The following KLF17 variants were observed in gnomAD, a reference collection of about 807,000 sequenced individuals.
The protein encoded by KLF17 is Krueppel-like factor 17.
In KLF17, 31 loss-of-function variants were observed where a neutral mutation model predicts 34.2. That is an observed-to-expected ratio of 0.91 (90% CI 0.68 to 1.22). KLF17 has a LOEUF of 1.22. KLF17 is among the 50% of genes most tolerant of loss of function. The probability of loss-of-function intolerance (pLI) is 0.00; values close to 1 mark genes in which losing one functional copy is unlikely to be tolerated. For missense variants in KLF17, 478 were observed against 505.2 expected, an observed-to-expected ratio of 0.95 and a Z score of 0.52; for synonymous variants, 179 against 186.7, an observed-to-expected ratio of 0.96 and a Z score of 0.34.
At chr1:44,118,612 G>T (rs1405822731), upstream of KLF17, among the ~76,000 whole-genome samples, 1 of 152,192 alleles carries the variant, frequency 6.6e-6, no homozygotes, top group African/African-American at 2.4e-5. Flanking sequence ...GGGGTGGAAT[G>T]GGTCGGTTGG....
chr1:44,127,705 T>TTTCTTTCTTTCTTTCTTTCTTTCTTTC (rs1557732071), intron 1 of KLF17, among the ~76,000 whole-genome samples: 4 of 129,586 alleles, frequency 3.1e-5, no homozygotes, highest in African/African-American at 1.5e-4. Flanking sequence ...TCTTTCTTTC[T>TTTCTTTCTTTCTTTCTTTCTTTCTTTC]TTCTTTCTTC....
At chr1:44,088,107 T>TTA in the KLF17 span, 2 of 182,524 alleles carry the variant, frequency 1.1e-5, no homozygotes, top group African/African-American at 2.5e-5. Context: ...GCACTCTTAT[T>TTA]TTTATTTATT....
chr1:44,082,458 G>T, the KLF17 span, among the ~76,000 whole-genome samples: 2 of 151,982 alleles, frequency 1.3e-5, no homozygotes, highest in Non-Finnish European at 2.9e-5. Flanking sequence ...GCATTCGGAG[G>T]GTTTTATTGG....
rs1162259026 is a variant in KLF17, at chr1:44,118,850, G to C, written c.-58G>C. The C allele has an allele frequency of 1.4e-5, 19 of 1,373,152 alleles. No homozygotes were observed. Among genetic ancestry groups the C allele is most frequent in the Non-Finnish European group, 1.9e-5 (19 of 1,011,690 alleles). The allele number at this position is 1,373,152 out of a possible 1,614,324, so 85.1% of individuals were successfully genotyped here. On this transcript the variant is annotated 5_prime_UTR_variant, in exon 1 of 4. Transcript: ENST00000372299. ...CGATGTACCGATACCCGCCTGCGAC[G>C]CCGTGGTGGCTGGTTCCCTGTCTCT...
upstream of KLF17, chr1:44,116,999 G>T (rs2087885095): frequency 6.6e-6 from 1 of 151,946 alleles, no homozygotes; most frequent in African/African-American, 2.4e-5. Flanking sequence ...TCATGCAGTT[G>T]CTCAAGCCAA....
chr1:44,094,636 A>G, the KLF17 span, among the ~76,000 whole-genome samples: 2 of 152,212 alleles, frequency 1.3e-5, no homozygotes, highest in Middle Eastern at 3.2e-3. Flanking sequence ...CCTTTGTCAA[A>G]AATGAGTTGA....
chr1:44,066,923 CTT>C, the KLF17 span, among the ~76,000 whole-genome samples: 8 of 152,124 alleles, frequency 5.3e-5, no homozygotes, highest in African/African-American at 1.9e-4. Context: ...GAAGAGCACT[CTT>C]TTTATAAAGA....
chr1:44,117,436 A>ATTTTAT (rs2087890817), upstream of KLF17: 4 of 145,352 alleles, frequency 2.8e-5, no homozygotes, highest in Non-Finnish European at 6.0e-5. Flanking sequence ...CTCCTTTTTT[A>ATTTTAT]TTTATTTTAT....
chr1:44,087,426 A>G, the KLF17 span, among the ~76,000 whole-genome samples: 1 of 151,614 alleles, frequency 6.6e-6, no homozygotes, highest in Non-Finnish European at 1.5e-5. Flanking sequence ...CAGCTAATTA[A>G]AACAAAAAAA....
chr1:44,120,433 C>T (rs1397578334), intron 1 of KLF17, among the ~76,000 whole-genome samples: 1 of 152,208 alleles, frequency 6.6e-6, no homozygotes, highest in Non-Finnish European at 1.5e-5. Flanking sequence ...AGGAGAAAAA[C>T]TTGGAAAGTG....
chr1:44,104,901 AC>A, the KLF17 span: 2 of 155,166 alleles, frequency 1.3e-5, no homozygotes, highest in Admixed American at 1.3e-4. Flanking sequence ...AAAAAAAAAA[AC>A]AAAACAAAAC....
At chr1:44,105,432 C>T in the KLF17 span, 1 of 151,460 alleles carries the variant, frequency 6.6e-6, no homozygotes, top group South Asian at 2.1e-4. Flanking sequence ...CTCCTGGTGT[C>T]TTTTCCTGAA....
the KLF17 span, among the ~76,000 whole-genome samples, chr1:44,061,878 A>G: frequency 6.6e-6 from 1 of 152,302 alleles, no homozygotes; most frequent in South Asian, 2.1e-4. Flanking sequence ...AGATCGCACC[A>G]CAGCACTCTA....
chr1:44,081,053 C>T, the KLF17 span, among the ~76,000 whole-genome samples: 2 of 151,560 alleles, frequency 1.3e-5, no homozygotes, highest in African/African-American at 4.8e-5. Flanking sequence ...TTAATTTAAT[C>T]AAAATGGACA....
chr1:44,113,689 G>C, the KLF17 span: 3 of 152,196 alleles, frequency 2.0e-5, no homozygotes, highest in African/African-American at 4.8e-5. Context: ...TTGTCTCTGC[G>C]CATCAGCATT....
At chr1:44,099,846 AAAGAAAGAAAGAAAG>A in the KLF17 span, among the ~76,000 whole-genome samples, 1 of 97,078 alleles carries the variant, frequency 1.0e-5, no homozygotes, top group African/African-American at 5.1e-5. Flanking sequence ...AGAAAGAAAG[AAAGAAAGAAAGAAAG>A]AAAGAAAGAA....
In KLF17 at chr1:44,119,003, A is replaced by G. The variant is rs758868514; in HGVS notation, c.81+15A>G. On this transcript the variant is annotated intron_variant, in intron 1 of 3. Coordinates refer to ENST00000372299, the MANE Select transcript of KLF17 (RefSeq NM_173484.4). ...AGGCTGCCCAGGTGAGTCAGGTGCCAGCCCCTGGCAGGCCGGGCGGGCCCA... is the reference window on the plus strand; with the variant it reads ...AGGCTGCCCAGGTGAGTCAGGTGCCGGCCCCTGGCAGGCCGGGCGGGCCCA... The G allele has an allele frequency of 1.0e-5, 16 of 1,593,104 alleles. No individual in the cohort carries two copies. The Admixed American group carries it at 1.6e-4, about 16-fold the overall frequency.
intron 1 of KLF17, chr1:44,122,537 G>A: frequency 1.2e-6 from 1 of 821,420 alleles, no homozygotes; most frequent in Non-Finnish European, 2.2e-6. Context: ...CACCCTTTGG[G>A]TCCGATAGCA....
the KLF17 span, among the ~76,000 whole-genome samples, chr1:44,049,289 A>G: frequency 6.6e-6 from 1 of 152,084 alleles, no homozygotes; most frequent in African/African-American, 2.4e-5. Context: ...CACATTTGGG[A>G]TTAGGGACTC....
Sources: allele counts gnomAD v4.1 joint callset (sites outside exome capture counted in the v4.1 genomes callset), GRCh38; gene constraint gnomAD v4.1.1; transcripts MANE v1.5; gene names NCBI Gene and HGNC (gene_info 2026-07-23, HGNC 2026-07-21).